FAM222A: variants seen among roughly 807,000 people sequenced by gnomAD.
The protein encoded by FAM222A is family with sequence similarity 222 member A, also known as protein FAM222A.
Under a neutral mutation model 25.8 loss-of-function variants are expected in FAM222A, and 7 were observed. That is an observed-to-expected ratio of 0.27 (90% CI 0.15 to 0.51). FAM222A has a LOEUF of 0.51. Ranked by LOEUF, FAM222A falls within the 20% of genes least tolerant of loss-of-function variation. The pLI is 0.97. For missense variants in FAM222A, 573 were observed against 640.5 expected, an observed-to-expected ratio of 0.89 and a Z score of 1.14; for synonymous variants, 294 against 298.8, an observed-to-expected ratio of 0.98 and a Z score of 0.17.
At chr12:109,754,111 A>G (rs888760709) in intron 2 of FAM222A, among the ~76,000 whole-genome samples, 4 of 152,220 alleles carry the variant, frequency 2.6e-5, no homozygotes, top group Non-Finnish European at 4.4e-5. Flanking sequence ...GAGTCCAACC[A>G]TGATCGACTA....
chr12:109,754,775 C>T (rs1888669646), intron 2 of FAM222A, among the ~76,000 whole-genome samples: 1 of 151,888 alleles, frequency 6.6e-6, no homozygotes, highest in Admixed American at 6.6e-5. Flanking sequence ...TTCAGTGATA[C>T]TCCCACCTCA....
intron 1 of FAM222A, among the ~76,000 whole-genome samples, chr12:109,733,938 C>T (rs112375649): frequency 5.3e-5 from 8 of 152,084 alleles, no homozygotes; most frequent in Non-Finnish European, 8.8e-5. Context: ...GGAAGACTGG[C>T]GGGATGGCTC....
intron 2 of FAM222A, among the ~76,000 whole-genome samples, chr12:109,747,162 T>C (rs1259299150): frequency 2.0e-5 from 3 of 152,198 alleles, no homozygotes; most frequent in Non-Finnish European, 4.4e-5. Context: ...GGCACGATCT[T>C]GGCTCACTGA....
chr12:109,762,385 A>T (rs1565847372), intron 2 of FAM222A, among the ~76,000 whole-genome samples: 1 of 152,214 alleles, frequency 6.6e-6, no homozygotes, highest in Non-Finnish European at 1.5e-5. Context: ...GGAGGTCCCA[A>T]GAGAACATAT....
chr12:109,768,642 G>C lies in FAM222A; in HGVS notation c.713G>C (p.Ser238Thr), dbSNP rs768696592. Residue 238 changes from serine (S) to threonine (T), a missense_variant, in exon 3 of 3, where the codon AGC (serine) becomes ACC (threonine). Around this residue, in one of 3 missense-constraint regions of FAM222A, gnomAD observed 412 missense variants for 407.0 expected, o/e 1.01. Transcript: ENST00000538780. Reference sequence around the variant, plus strand: ...CCTGCCAAGCACGGCCCAGTGCCCAGCTTCCCCAGCATGGCCTACTCGGCT... The same window carrying C: ...CCTGCCAAGCACGGCCCAGTGCCCACCTTCCCCAGCATGGCCTACTCGGCT... Reference protein sequence around the residue: ...PSPAKHGPVPSFPSMAYSAAA... With the variant: ...PSPAKHGPVPTFPSMAYSAAA... The C allele has an allele frequency of 3.9e-5, 62 of 1,601,118 alleles. No homozygotes were observed. The highest frequency in any genetic ancestry group is 5.0e-5 in the Non-Finnish European group (59 of 1,179,196).
intron 1 of FAM222A, among the ~76,000 whole-genome samples, chr12:109,740,739 G>A (rs1477821519): frequency 6.6e-6 from 1 of 152,196 alleles, no homozygotes; most frequent in Non-Finnish European, 1.5e-5. Flanking sequence ...GATTACTCTT[G>A]CCAGGCACTG....
chr12:109,737,161 G>GGAAGGACTTTTGAGCAGA, intron 1 of FAM222A, among the ~76,000 whole-genome samples: 2 of 152,232 alleles, frequency 1.3e-5, no homozygotes, highest in African/African-American at 4.8e-5. Context: ...TAGAGAGCCA[G>GGAAGGACTTTTGAGCAGA]AAAGGGCTTT....
At chr12:109,731,729 C>T (rs976573056) in intron 1 of FAM222A, among the ~76,000 whole-genome samples, 3 of 152,126 alleles carry the variant, frequency 2.0e-5, no homozygotes, top group African/African-American at 7.2e-5. Context: ...CCTCTGCCCA[C>T]CCATGTTGAG....
At chr12:109,732,598 T>A (rs377742515) in intron 1 of FAM222A, among the ~76,000 whole-genome samples, 3 of 152,268 alleles carry the variant, frequency 2.0e-5, no homozygotes, top group South Asian at 2.1e-4. Flanking sequence ...CAATCTCGGC[T>A]TTGTGCTGTC....
chr12:109,747,241 G>A (rs946553580), intron 2 of FAM222A, among the ~76,000 whole-genome samples: 8 of 152,082 alleles, frequency 5.3e-5, no homozygotes, highest in Admixed American at 1.3e-4. Context: ...TTATAGGCAC[G>A]CGCTACCACA....
intron 1 of FAM222A, among the ~76,000 whole-genome samples, chr12:109,729,232 A>AGTTTTT (rs1887896179): frequency 1.9e-5 from 2 of 104,250 alleles, no homozygotes; most frequent in South Asian, 5.7e-4. Flanking sequence ...GTAGAATTCT[A>AGTTTTT]GTTTTTCTTT....
intron 2 of FAM222A, chr12:109,744,573 G>A (rs903370574): frequency 2.0e-6 from 2 of 985,356 alleles, no homozygotes; most frequent in Non-Finnish European, 2.4e-6. Context: ...GTAGGATGAC[G>A]TGGAAGCAAA....
Position 109,769,704 on chromosome 12 carries a change from G to A in FAM222A, c.*416G>A. 4.8e-6 allele frequency: 1 copy of A among 206,496 alleles called. No individual in the cohort carries two copies. Among genetic ancestry groups the A allele is most frequent in the Non-Finnish European group, 9.7e-6 (1 of 102,922 alleles). The allele number at this position is 206,496 out of a possible 1,614,324, so 12.8% of individuals were successfully genotyped here. A position where few individuals can be genotyped will look rare whatever the true frequency, so the allele number is the denominator to read the frequency against. ...GTGGGGGCAGGGCAGCCCCCCCAGG[G>A]GTCAGGCAGCTGTGTCTCCCCACAC... On this transcript the variant is annotated 3_prime_UTR_variant, in exon 3 of 3. Coordinates refer to ENST00000538780, the MANE Select transcript of FAM222A (RefSeq NM_032829.3).
At chr12:109,761,754 T>C (rs1325050618) in intron 2 of FAM222A, among the ~76,000 whole-genome samples, 2 of 152,108 alleles carry the variant, frequency 1.3e-5, no homozygotes, top group Non-Finnish European at 2.9e-5. Context: ...GAGCTGGCAG[T>C]TGGGCAGCTC....
At chr12:109,750,642 C>T (rs992445369) in intron 2 of FAM222A, among the ~76,000 whole-genome samples, 1 of 152,052 alleles carries the variant, frequency 6.6e-6, no homozygotes, top group African/African-American at 2.4e-5. Flanking sequence ...ACTACCAAAT[C>T]TTTTGCCTTG....
chr12:109,736,573 A>G (rs1019396260), intron 1 of FAM222A, among the ~76,000 whole-genome samples: 1 of 152,080 alleles, frequency 6.6e-6, no homozygotes, highest in African/African-American at 2.4e-5. Flanking sequence ...TGACCCCAAC[A>G]TGGCCACCGC....
chr12:109,720,731 T>C lies in FAM222A; in HGVS notation c.-47+5834T>C, dbSNP rs1463808151. On this transcript the variant is annotated intron_variant, in intron 1 of 2. Coordinates refer to ENST00000538780, the MANE Select transcript of FAM222A (RefSeq NM_032829.3). The stretch of plus-strand genomic sequence containing the variant: ...GGACATGAAGATGAACAAGCCCCAG[T>C]TGCCTTGAAAGGTGGTGTGTACCTA... Among the ~76,000 whole-genome samples, 3 of 152,242 alleles carry C rather than the reference T, an allele frequency of 2.0e-5. No homozygotes were observed. In the South Asian group the frequency reaches 6.2e-4, roughly 31 times the overall value.
At chr12:109,759,046 C>CACCAA (rs1400488625) in intron 2 of FAM222A, among the ~76,000 whole-genome samples, 2 of 152,332 alleles carry the variant, frequency 1.3e-5, no homozygotes, top group African/African-American at 4.8e-5. Flanking sequence ...AGCTGAAGTC[C>CACCAA]ACCAAGGGAA....
intron 2 of FAM222A, among the ~76,000 whole-genome samples, chr12:109,762,155 A>G (rs1158777670): frequency 6.6e-6 from 1 of 152,184 alleles, no homozygotes; most frequent in Non-Finnish European, 1.5e-5. Flanking sequence ...TCATAGTCCC[A>G]TGCCCTGCTG....
Sources: allele counts gnomAD v4.1 joint callset (sites outside exome capture counted in the v4.1 genomes callset), GRCh38; gene constraint gnomAD v4.1.1; regional missense constraint gnomAD v4.1.1; transcripts MANE v1.5; gene names NCBI Gene and HGNC (gene_info 2026-07-23, HGNC 2026-07-21).